Variants in SELENOI observed in about 807,000 individuals in gnomAD.
The protein encoded by SELENOI is ethanolaminephosphotransferase 1.
Under a neutral mutation model 50.7 loss-of-function variants are expected in SELENOI, and 24 were observed. That is an observed-to-expected ratio of 0.47 (90% confidence interval 0.34 to 0.67). The LOEUF (loss-of-function observed/expected upper bound fraction) is 0.67, where lower values mean the gene tolerates loss of function less well. SELENOI is among the 30% of genes least tolerant of loss of function. SELENOI has a pLI of 0.01. For synonymous variants in SELENOI, 155 were observed against 170.2 expected, an observed-to-expected ratio of 0.91 and a Z score of 0.70; for missense variants, 352 against 461.4, an observed-to-expected ratio of 0.76 and a Z score of 2.17.
chr2:26,360,863 C>CT (rs748197418), intron 1 of SELENOI, among the ~76,000 whole-genome samples: 1 of 152,142 alleles, frequency 6.6e-6, no homozygotes, highest in Non-Finnish European at 1.5e-5. Context: ...GTTCAGAACT[C>CT]TTTCATTCTG....
chr2:26,383,253 A>T, intron 6 of SELENOI, 46 bp from the exon 7 acceptor site: 1 of 1,413,112 alleles, frequency 7.1e-7, no homozygotes, highest in Non-Finnish European at 9.5e-7. Context: ...GTAATGTAAT[A>T]ATTGCTCTTG....
chr2:26,369,690 C>G (rs1160296781), intron 4 of SELENOI, among the ~76,000 whole-genome samples: 1 of 152,188 alleles, frequency 6.6e-6, no homozygotes, highest in Non-Finnish European at 1.5e-5. Context: ...TATTCAGATA[C>G]CTTTAGTAAC....
In SELENOI at chr2:26,388,233, T is replaced by A. The variant is rs547225562; in HGVS notation, c.1096-772T>A. Among the ~76,000 whole-genome samples the A allele has an allele frequency of 1.6e-4, 24 of 152,374 alleles. No homozygotes were observed. The East Asian group carries it at 4.2e-3, about 27-fold the overall frequency. On this transcript the variant is annotated intron_variant, in intron 9 of 9. Transcript: ENST00000260585. ...AATATCCATTTGCCAGTGTCTTTTT[T>A]AATTGTTTTCATTTACTATAGCCTT...
chr2:26,364,150 C>G (rs1677239451), intron 1 of SELENOI, among the ~76,000 whole-genome samples, 152 bp from the exon 2 acceptor site: 1 of 143,304 alleles, frequency 7.0e-6, no homozygotes, highest in South Asian at 2.2e-4. Context: ...TTCCTGGGCT[C>G]AAGTGATCCT....
rs1266860365 is a variant in SELENOI, at chr2:26,375,206, G to T, written c.682+58G>T. 7 of 1,122,602 alleles carry T rather than the reference G, an allele frequency of 6.2e-6. No individual in the cohort carries two copies. The African/African-American group carries it at 9.5e-5, about 15-fold the overall frequency. 69.5% of individuals were successfully genotyped at this position (1,122,602 alleles called of 1,614,324 possible). A position where few individuals can be genotyped will look rare whatever the true frequency, so the allele number is the denominator to read the frequency against. ...CATCACTTTGTTATCAAAAGAGCCGGTATTTGACTATAACAAGCAACAACA... is the reference window on the plus strand; with the variant it reads ...CATCACTTTGTTATCAAAAGAGCCGTTATTTGACTATAACAAGCAACAACA... On this transcript the variant is annotated intron_variant, in intron 6 of 9. Coordinates refer to ENST00000260585, the MANE Select transcript of SELENOI (RefSeq NM_033505.4).
At position 26,384,945 on chromosome 2, in the gene SELENOI, AT is replaced by A. The variant is rs761886827; in HGVS notation, c.732-5del. 4.0e-5 allele frequency: 63 copies of A among 1,565,560 alleles called. No homozygotes were observed. Among genetic ancestry groups the A allele is most frequent in the Admixed American group, 1.8e-4 (10 of 55,826 alleles). On this transcript the variant is annotated splice_polypyrimidine_tract_variant and intron_variant, in intron 7 of 9. Transcript: ENST00000260585. ...GTAATAATGTTCTTTATATTACTTG[AT>A]TTTTTTTTCCAGAAGCTATAAAAAT...
At chr2:26,382,232 T>TGA (rs762310255) in intron 6 of SELENOI, among the ~76,000 whole-genome samples, 3 of 152,064 alleles carry the variant, frequency 2.0e-5, no homozygotes, top group Non-Finnish European at 4.4e-5. Context: ...AGAGGGATTC[T>TGA]GAGAGAGAGA....
chr2:26,347,564 C>G (rs1236896026), intron 1 of SELENOI, among the ~76,000 whole-genome samples: 1 of 152,166 alleles, frequency 6.6e-6, no homozygotes, highest in East Asian at 1.9e-4. Flanking sequence ...AAAGAGGGTC[C>G]AGAGCCTTCT....
chr2:26,360,323 C>T (rs1370004549), intron 1 of SELENOI, among the ~76,000 whole-genome samples: 3 of 152,174 alleles, frequency 2.0e-5, no homozygotes, highest in Non-Finnish European at 4.4e-5. Flanking sequence ...ATCTATTAAT[C>T]TTTCTTCCTG....
intron 7 of SELENOI, 92 bp from the exon 8 acceptor site, chr2:26,384,867 G>A (rs1677805405): frequency 3.6e-6 from 3 of 827,134 alleles, no homozygotes; most frequent in African/African-American, 3.5e-5. Context: ...TATAAAATAA[G>A]TGTATAAATA....
At chr2:26,371,124 C>T (rs1464844097) in intron 4 of SELENOI, among the ~76,000 whole-genome samples, 7 of 147,120 alleles carry the variant, frequency 4.8e-5, no homozygotes, top group Admixed American at 4.7e-4. Context: ...CCACCTCCCT[C>T]CCGGACGGGG....
chr2:26,392,859 C>A lies in SELENOI; in HGVS notation c.*3756C>A, dbSNP rs1678001593. The A allele has an allele frequency of 6.6e-6, 1 of 152,210 alleles. No individual in the cohort carries two copies. The highest frequency in any genetic ancestry group is 2.4e-5 in the African/African-American group (1 of 41,464). 9.4% of individuals were successfully genotyped at this position (152,210 alleles called of 1,614,324 possible). ...TGTCCCATGAGGTGTCTTTGTAAGTCAGCATGCTCTTGCTTGAACACCCTG... is the reference window on the plus strand; with the variant it reads ...TGTCCCATGAGGTGTCTTTGTAAGTAAGCATGCTCTTGCTTGAACACCCTG... On this transcript the variant is annotated 3_prime_UTR_variant, in exon 10 of 10. Transcript: ENST00000260585.
In SELENOI at chr2:26,393,447, G is replaced by A. The variant is rs1214229594; in HGVS notation, c.*4344G>A. The A allele has an allele frequency of 6.6e-6, 1 of 152,570 alleles. No homozygotes were observed. Among genetic ancestry groups the A allele is most frequent in the Non-Finnish European group, 1.5e-5 (1 of 68,030 alleles). The allele number at this position is 152,570 out of a possible 1,614,324, so 9.5% of individuals were successfully genotyped here. ...ATCTTTTAATGCATTAATATTTAGA[G>A]TAGCAAAAGAAGTTTTGCCATTTGT... On this transcript the variant is annotated 3_prime_UTR_variant, in exon 10 of 10. Transcript: ENST00000260585.
chr2:26,381,262 A>G (rs1572336126), intron 6 of SELENOI, among the ~76,000 whole-genome samples: 1 of 80,436 alleles, frequency 1.2e-5, no homozygotes, highest in African/African-American at 5.3e-5. Flanking sequence ...TCTAGCTGTT[A>G]AGTTTCCTAT....
chr2:26,370,337 C>A (rs991828758), intron 4 of SELENOI, among the ~76,000 whole-genome samples: 1 of 151,764 alleles, frequency 6.6e-6, no homozygotes, highest in African/African-American at 2.4e-5. Context: ...ACAAAGCCGC[C>A]ATTGTCATCC....
intron 6 of SELENOI, among the ~76,000 whole-genome samples, chr2:26,378,311 G>C (rs1677611126): frequency 6.6e-6 from 1 of 152,178 alleles, no homozygotes; most frequent in Admixed American, 6.5e-5. Flanking sequence ...AACACACTTA[G>C]TAAGAGATAC....
chr2:26,346,433 C>CTGGGGAT (rs1031705632), intron 1 of SELENOI, 144 bp downstream of exon 1: 5 of 1,039,636 alleles, frequency 4.8e-6, no homozygotes, highest in Non-Finnish European at 6.6e-6. Context: ...CCTGCGGGTC[C>CTGGGGAT]TGGGGATTGG....
chr2:26,382,665 G>A (rs1677731389), intron 6 of SELENOI, among the ~76,000 whole-genome samples: 1 of 152,130 alleles, frequency 6.6e-6, no homozygotes, highest in Non-Finnish European at 1.5e-5. Context: ...GAGAACCAGT[G>A]TGCGAATGGA....
At chr2:26,373,076 A>G (rs1006107747) in intron 4 of SELENOI, among the ~76,000 whole-genome samples, 4 of 152,128 alleles carry the variant, frequency 2.6e-5, no homozygotes, top group African/African-American at 9.7e-5. Context: ...TTTTGTAAAG[A>G]CAGAGTTTTG....
Sources: allele counts gnomAD v4.1 joint callset (sites outside exome capture counted in the v4.1 genomes callset), GRCh38; gene constraint gnomAD v4.1.1; transcripts MANE v1.5; gene names NCBI Gene and HGNC (gene_info 2026-07-23, HGNC 2026-07-21).